The following CFAP107 variants were observed in gnomAD, a reference collection of about 807,000 sequenced individuals.
CFAP107 encodes cilia and flagella associated protein 107, also known as cilia- and flagella-associated protein 107.
At chr1:12,761,276 G>T in the CFAP107 span, 1 of 230,066 alleles carries the variant, frequency 4.3e-6, no homozygotes, top group East Asian at 9.5e-5. Context: ...CTGAGGCCCG[G>T]AGAGGTAATG....
the CFAP107 span, among the ~76,000 whole-genome samples, chr1:12,752,555 T>TAA: frequency 0.027 from 1,259 of 46,566 alleles, 100 homozygotes; most frequent in African/African-American, 0.075. Flanking sequence ...CGACTCTGTC[T>TAA]AAAAAAAAAA....
At chr1:12,747,736 A>G in the CFAP107 span, among the ~76,000 whole-genome samples, 1 of 152,206 alleles carries the variant, frequency 6.6e-6, no homozygotes, top group Non-Finnish European at 1.5e-5. Flanking sequence ...TTTGGTGAGC[A>G]GGTGTGTGCA....
At chr1:12,759,834 T>C in the CFAP107 span, among the ~76,000 whole-genome samples, 1 of 152,078 alleles carries the variant, frequency 6.6e-6, no homozygotes, top group Non-Finnish European at 1.5e-5. Context: ...CCTGCTGCAA[T>C]GATAACAAAC....
the CFAP107 span, among the ~76,000 whole-genome samples, chr1:12,748,047 T>A: frequency 6.6e-6 from 1 of 152,108 alleles, no homozygotes; most frequent in African/African-American, 2.4e-5. Context: ...AATAGGAAAT[T>A]CCATGATGTT....
chr1:12,754,309 C>T, the CFAP107 span, among the ~76,000 whole-genome samples: 4 of 152,138 alleles, frequency 2.6e-5, no homozygotes, highest in East Asian at 7.7e-4. Context: ...AAATCCAAAT[C>T]AAAATTACAA....
At chr1:12,746,419 C>T in the CFAP107 span, 1 of 1,605,738 alleles carries the variant, frequency 6.2e-7, no homozygotes, top group Admixed American at 1.7e-5. Flanking sequence ...AAACCTGGGG[C>T]AAATCCTTAA....
chr1:12,746,762 A>T, the CFAP107 span, among the ~76,000 whole-genome samples: 1 of 152,116 alleles, frequency 6.6e-6, no homozygotes, highest in Non-Finnish European at 1.5e-5. Context: ...CATGATGGTT[A>T]TCGAAAAGAC....
the CFAP107 span, among the ~76,000 whole-genome samples, chr1:12,746,976 C>T: frequency 6.6e-6 from 1 of 152,192 alleles, no homozygotes. Context: ...TCTCCTGAGG[C>T]CAGCTTGCCA....
At chr1:12,758,058 G>A in the CFAP107 span, among the ~76,000 whole-genome samples, 2 of 152,034 alleles carry the variant, frequency 1.3e-5, no homozygotes, top group Admixed American at 6.6e-5. Context: ...ACCGTGCCTC[G>A]CCCAATGGTT....
the CFAP107 span, among the ~76,000 whole-genome samples, chr1:12,752,658 T>A: frequency 1.3e-5 from 2 of 151,348 alleles, no homozygotes; most frequent in African/African-American, 4.8e-5. Flanking sequence ...GAAAAAGCAT[T>A]GTGCAAAATT....
chr1:12,760,920 C>T, the CFAP107 span: 4 of 1,613,606 alleles, frequency 2.5e-6, no homozygotes, highest in South Asian at 1.1e-5. Context: ...CCGGTCCCTC[C>T]CCATCGCCTG....
At chr1:12,754,646 G>T in the CFAP107 span, among the ~76,000 whole-genome samples, 27 of 152,338 alleles carry the variant, frequency 1.8e-4, no homozygotes, top group African/African-American at 6.3e-4. Flanking sequence ...AAAACATGGT[G>T]TAAGTGTATC....
At chr1:12,753,131 AT>A in the CFAP107 span, among the ~76,000 whole-genome samples, 1 of 152,222 alleles carries the variant, frequency 6.6e-6, no homozygotes, top group Non-Finnish European at 1.5e-5. Context: ...ACATCAAAAA[AT>A]AAAGTATTTA....
the CFAP107 span, among the ~76,000 whole-genome samples, chr1:12,757,015 C>G: frequency 6.6e-6 from 1 of 152,246 alleles, no homozygotes; most frequent in Admixed American, 6.5e-5. Flanking sequence ...ACACTGACAT[C>G]TCCAAGCAAG....
At chr1:12,751,642 G>A in the CFAP107 span, among the ~76,000 whole-genome samples, 1 of 151,866 alleles carries the variant, frequency 6.6e-6, no homozygotes, top group African/African-American at 2.4e-5. Context: ...AAACAAGCAA[G>A]CAAACAAAGA....
At chr1:12,746,551 C>T in the CFAP107 span, 193 of 1,594,152 alleles carry the variant, frequency 1.2e-4, no homozygotes, top group East Asian at 3.3e-3. Context: ...GGTAAGGAAA[C>T]GAGAGAGGTT....
At chr1:12,750,844 G>T in the CFAP107 span, among the ~76,000 whole-genome samples, 2 of 148,326 alleles carry the variant, frequency 1.3e-5, no homozygotes, top group Admixed American at 6.7e-5. Flanking sequence ...GAATACGTGT[G>T]TTTTTTTTTT....
chr1:12,748,828 C>T, the CFAP107 span, among the ~76,000 whole-genome samples: 6 of 152,006 alleles, frequency 3.9e-5, no homozygotes, highest in Non-Finnish European at 7.4e-5. Flanking sequence ...TAAAGTAAAT[C>T]AGGAAAACAA....
At chr1:12,759,482 T>G in the CFAP107 span, 1 of 1,614,140 alleles carries the variant, frequency 6.2e-7, no homozygotes, top group Non-Finnish European at 8.5e-7. Flanking sequence ...GACTTTCCCC[T>G]TCTTGGTACC....
Sources: gnomAD v4.1 joint callset for allele counts (sites outside exome capture counted in the v4.1 genomes callset) on GRCh38, gnomAD v4.1.1 for gene constraint, MANE v1.5 for transcripts, NCBI Gene and HGNC (gene_info 2026-07-23, HGNC 2026-07-21) for gene names.